Variants in USP7 observed in about 807,000 individuals in gnomAD.
USP7 encodes the protein ubiquitin C-terminal hydrolase 7.
A neutral mutation model predicts 162.9 loss-of-function variants in USP7; 9 were observed. The ratio of observed to expected loss-of-function variants is 0.06; its 90% CI spans 0.03 to 0.10. USP7 has a LOEUF of 0.10. Ranked by LOEUF, USP7 falls within the 10% of genes least tolerant of loss-of-function variation. USP7 has a pLI of 1.00. For missense variants in USP7, 715 were observed against 1,373.7 expected, an observed-to-expected ratio of 0.52 and a Z score of 7.58; for synonymous variants, 562 against 475.9, an observed-to-expected ratio of 1.18 and a Z score of -2.35.
rs966154902 is a variant in USP7, at chr16:8,895,657, C to A, written c.2904G>T (p.Arg968=). 5 of 1,613,070 alleles carry A rather than the reference C, an allele frequency of 3.1e-6. No individual in the cohort carries two copies. In the East Asian group the frequency reaches 1.1e-4, roughly 36 times the overall value. ...GGACAGATACCTCTATTCGAAACGTCCGGCTCGTTGCAGGAGATAAACATT... is the reference window on the plus strand; with the variant it reads ...GGACAGATACCTCTATTCGAAACGTACGGCTCGTTGCAGGAGATAAACATT... ...LLECLSPATS[R]TFRIEEIPLD... The change falls in exon 27 of 31, where the codon CGG becomes CGT. Residue 968 remains arginine (R), a synonymous_variant. Coordinates refer to ENST00000344836, the MANE Select transcript of USP7 (RefSeq NM_003470.3).
chr16:8,894,956 G>A (rs1311797693), intron 28 of USP7, 75 bp downstream of exon 28: 46 of 1,613,074 alleles, frequency 2.9e-5, no homozygotes, highest in South Asian at 7.7e-5. Flanking sequence ...CAGCAGGAGC[G>A]CAGATTCGGC....
intron 12 of USP7, among the ~76,000 whole-genome samples, chr16:8,907,863 T>G (rs1323808573): frequency 1.3e-5 from 2 of 152,224 alleles, no homozygotes; most frequent in Admixed American, 1.3e-4. Flanking sequence ...TACTTGTAAC[T>G]GGCATACAAA....
intron 1 of USP7, among the ~76,000 whole-genome samples, chr16:8,945,370 C>G (rs1440516885): frequency 1.3e-5 from 2 of 152,174 alleles, no homozygotes; most frequent in Non-Finnish European, 2.9e-5. Context: ...GGCAACACAG[C>G]AAGATGCTGT....
intron 14 of USP7, among the ~76,000 whole-genome samples, chr16:8,904,873 G>T (rs1010459813): frequency 6.6e-6 from 1 of 152,182 alleles, no homozygotes; most frequent in African/African-American, 2.4e-5. Context: ...TTGGGAGGCT[G>T]AGGCAGGAGA....
At chr16:8,900,886 C>G (rs146544605) in intron 20 of USP7, 104 bp downstream of exon 20, 24,033 of 1,160,624 alleles carry the variant, frequency 0.021, 362 homozygotes, top group Non-Finnish European at 0.024. Flanking sequence ...CCTGAGTTAG[C>G]TGGTAGACCT....
chr16:8,920,338 C>T lies in USP7; in HGVS notation c.611+21G>A, dbSNP rs1240228940. 3.8e-6 allele frequency: 6 copies of T among 1,596,086 alleles called. 1 individual carries two copies. In the South Asian group the frequency reaches 4.5e-5, roughly 12 times the overall value. Reference sequence around the variant, plus strand: ...AGCACAAAAGACATTTTTAACAGCACCTGATTAAAGAAAAACTTACGCAAC... The same window carrying T: ...AGCACAAAAGACATTTTTAACAGCATCTGATTAAAGAAAAACTTACGCAAC... On this transcript the variant is annotated intron_variant, in intron 5 of 30. Transcript: ENST00000344836.
chr16:8,953,184 C>T (rs1899636830), intron 1 of USP7, among the ~76,000 whole-genome samples: 2 of 152,070 alleles, frequency 1.3e-5, no homozygotes, highest in Admixed American at 1.3e-4. Context: ...TGAGGCCTCA[C>T]CTGAGGCTCC....
chr16:8,961,376 C>T (rs569359426), intron 1 of USP7, among the ~76,000 whole-genome samples: 61 of 151,762 alleles, frequency 4.0e-4, no homozygotes, highest in African/African-American at 1.4e-3. Flanking sequence ...GCTGTAATCC[C>T]AGCTACTTGG....
intron 1 of USP7, among the ~76,000 whole-genome samples, chr16:8,949,128 C>T (rs1252672964): frequency 6.6e-6 from 1 of 152,160 alleles, no homozygotes; most frequent in African/African-American, 2.4e-5. Flanking sequence ...AACCACTGAA[C>T]CCACTTTAAA....
intron 1 of USP7, among the ~76,000 whole-genome samples, chr16:8,961,579 G>A (rs1208684698): frequency 6.8e-6 from 1 of 147,566 alleles, no homozygotes; most frequent in Admixed American, 7.0e-5. Context: ...TAACACACAT[G>A]CTCTGCAGTA....
At chr16:8,954,948 GACTCCATCTCAAAAAATA>G (rs1454325558) in intron 1 of USP7, among the ~76,000 whole-genome samples, 1 of 152,124 alleles carries the variant, frequency 6.6e-6, no homozygotes, top group Non-Finnish European at 1.5e-5. Flanking sequence ...AACAGAGCGA[GACTCCATCTCAAAAAATA>G]AAAATAAAAT....
At chr16:8,908,040 C>G (rs1245853793) in intron 12 of USP7, among the ~76,000 whole-genome samples, 2 of 152,156 alleles carry the variant, frequency 1.3e-5, no homozygotes, top group Non-Finnish European at 2.9e-5. Context: ...CCTGTGAATG[C>G]AAGAGCTGTG....
Position 8,901,327 on chromosome 16 carries a change from A to G in USP7, c.2048-93T>C, listed in dbSNP as rs910573153. On this transcript the variant is annotated intron_variant, in intron 18 of 30. Transcript: ENST00000344836. ...ACAAACAAACAAAAAAACGAAAAAA[A>G]AAAAACAGTAAGCTGAATAGCTCAA... 5.9e-5 allele frequency: 50 copies of G among 850,820 alleles called. 1 individual carries two copies. In the South Asian group the frequency reaches 6.2e-4, roughly 11 times the overall value. 52.7% of individuals were successfully genotyped at this position (850,820 alleles called of 1,614,324 possible).
chr16:8,904,174 T>A (rs1166822671), intron 15 of USP7, among the ~76,000 whole-genome samples: 1 of 152,210 alleles, frequency 6.6e-6, no homozygotes, highest in East Asian at 1.9e-4. Flanking sequence ...TCCCGGTTTG[T>A]GTATCAGGAA....
chr16:8,956,778 A>AC (rs1555472212), intron 1 of USP7, among the ~76,000 whole-genome samples: 5 of 149,978 alleles, frequency 3.3e-5, no homozygotes, highest in South Asian at 2.1e-4. Flanking sequence ...AACAAAAACA[A>AC]AAAAAAAAAA....
chr16:8,918,522 G>A (rs1897503037), intron 6 of USP7, among the ~76,000 whole-genome samples: 1 of 152,126 alleles, frequency 6.6e-6, no homozygotes, highest in South Asian at 2.1e-4. Flanking sequence ...TGCAAAATTA[G>A]GTCATGGCTG....
chr16:8,940,110 G>T (rs1898967007), intron 1 of USP7, among the ~76,000 whole-genome samples: 3 of 152,008 alleles, frequency 2.0e-5, no homozygotes, highest in Non-Finnish European at 4.4e-5. Context: ...AAAAAAAAAG[G>T]CTGTTTCCAT....
At chr16:8,901,497 C>G (rs2061773809) in intron 18 of USP7, among the ~76,000 whole-genome samples, 1 of 152,170 alleles carries the variant, frequency 6.6e-6, no homozygotes, top group African/African-American at 2.4e-5. Flanking sequence ...GTACTGAGTG[C>G]AGCAAACTTA....
intron 2 of USP7, among the ~76,000 whole-genome samples, chr16:8,923,724 C>T (rs561196815): frequency 6.6e-6 from 1 of 152,284 alleles, no homozygotes; most frequent in African/African-American, 2.4e-5. Flanking sequence ...CCCCAGGCAC[C>T]AAGTGAGTGG....
Sources: gnomAD v4.1 joint callset for allele counts (sites outside exome capture counted in the v4.1 genomes callset) on GRCh38, gnomAD v4.1.1 for gene constraint, MANE v1.5 for transcripts, NCBI Gene and HGNC (gene_info 2026-07-23, HGNC 2026-07-21) for gene names.